OTULIN: variants seen among roughly 807,000 people sequenced by gnomAD.
The protein encoded by OTULIN is OTU deubiquitinase with linear linkage specificity.
Under a neutral mutation model 39.6 loss-of-function variants are expected in OTULIN, and 15 were observed. That is an observed-to-expected ratio of 0.38 (90% CI 0.25 to 0.58). The LOEUF (loss-of-function observed/expected upper bound fraction) is 0.58. OTULIN is among the 20% of genes least tolerant of loss of function. The probability of loss-of-function intolerance (pLI) is 0.66; values close to 1 mark genes in which losing one functional copy is unlikely to be tolerated. For missense variants in OTULIN, 319 were observed against 445.9 expected, an observed-to-expected ratio of 0.72 and a Z score of 2.56; for synonymous variants, 156 against 170.3, an observed-to-expected ratio of 0.92 and a Z score of 0.65.
At chr5:14,685,075 C>A (rs1460035540) in intron 4 of OTULIN, among the ~76,000 whole-genome samples, 1 of 152,224 alleles carries the variant, frequency 6.6e-6, no homozygotes, top group Non-Finnish European at 1.5e-5. Context: ...TGGGACAACA[C>A]TTTGGTTCCT....
At chr5:14,686,010 T>G (rs1376312654) in intron 4 of OTULIN, among the ~76,000 whole-genome samples, 1 of 152,208 alleles carries the variant, frequency 6.6e-6, no homozygotes, top group African/African-American at 2.4e-5. Context: ...TCATTTGTTA[T>G]TCTAATAAGA....
chr5:14,715,320 G>T, the OTULIN span, among the ~76,000 whole-genome samples: 341 of 152,280 alleles, frequency 2.2e-3, 3 homozygotes, highest in African/African-American at 8.0e-3. Context: ...TAGTAGAGAC[G>T]GGGTTTCACC....
At chr5:14,701,889 G>A (rs138020216), downstream of OTULIN, among the ~76,000 whole-genome samples, 489 of 152,334 alleles carry the variant, frequency 3.2e-3, 2 homozygotes, top group South Asian at 0.013. Flanking sequence ...AAAGCAGGGC[G>A]CTCATCAGGC....
intron 5 of OTULIN, 63 bp downstream of exon 5, chr5:14,687,709 G>A: frequency 1.3e-6 from 2 of 1,505,040 alleles, no homozygotes; most frequent in African/African-American, 1.4e-5. Context: ...TGCCCCAGAA[G>A]ACCAGTTTTT....
At chr5:14,674,606 T>C (rs1259568412) in intron 2 of OTULIN, among the ~76,000 whole-genome samples, 1 of 151,890 alleles carries the variant, frequency 6.6e-6, no homozygotes, top group African/African-American at 2.4e-5. Flanking sequence ...AATACAAAAA[T>C]TAATCGGGCG....
chr5:14,712,465 C>A, the OTULIN span, among the ~76,000 whole-genome samples: 3 of 152,248 alleles, frequency 2.0e-5, no homozygotes, highest in Non-Finnish European at 2.9e-5. Context: ...AGAGGCTGCC[C>A]GAGCTCCTGT....
At chr5:14,712,556 G>A in the OTULIN span, among the ~76,000 whole-genome samples, 2 of 152,222 alleles carry the variant, frequency 1.3e-5, no homozygotes, top group Non-Finnish European at 2.9e-5. Flanking sequence ...CATGTCTGCG[G>A]GTCATTCCCC....
At chr5:14,710,956 T>C in the OTULIN span, 2 of 498,870 alleles carry the variant, frequency 4.0e-6, no homozygotes, top group East Asian at 4.0e-5. Flanking sequence ...GGCAGGGGTA[T>C]GAAGTCAGTT....
intron 1 of OTULIN, among the ~76,000 whole-genome samples, chr5:14,670,215 C>T (rs1201048811): frequency 6.6e-6 from 1 of 152,170 alleles, no homozygotes; most frequent in Non-Finnish European, 1.5e-5. Flanking sequence ...GGATACCTCT[C>T]CACCACCACC....
the OTULIN span, among the ~76,000 whole-genome samples, chr5:14,715,252 C>T: frequency 1.3e-5 from 2 of 152,224 alleles, no homozygotes; most frequent in Non-Finnish European, 2.9e-5. Flanking sequence ...CTGCCTTAGC[C>T]TCCTGAGTAG....
the OTULIN span, among the ~76,000 whole-genome samples, chr5:14,712,591 G>A: frequency 1.3e-5 from 2 of 152,158 alleles, no homozygotes; most frequent in African/African-American, 2.4e-5. Flanking sequence ...GCTGAATTTC[G>A]CCCCATCTAC....
chr5:14,701,977 A>G (rs961551917), downstream of OTULIN, among the ~76,000 whole-genome samples: 1 of 152,168 alleles, frequency 6.6e-6, no homozygotes, highest in Non-Finnish European at 1.5e-5. Flanking sequence ...AGGAGATGTC[A>G]TTTCCATCAT....
chr5:14,669,296 C>T (rs893901772), intron 1 of OTULIN, among the ~76,000 whole-genome samples: 6 of 152,074 alleles, frequency 3.9e-5, no homozygotes, highest in Non-Finnish European at 8.8e-5. Flanking sequence ...ACCTGGGAGG[C>T]AGAGGTTGCA....
the OTULIN span, among the ~76,000 whole-genome samples, chr5:14,715,678 A>G: frequency 2.3e-3 from 343 of 152,348 alleles, 3 homozygotes; most frequent in African/African-American, 8.0e-3. Context: ...GAATGTAGCT[A>G]TGCAAGCAGT....
chr5:14,711,540 G>A, the OTULIN span, among the ~76,000 whole-genome samples: 24 of 152,260 alleles, frequency 1.6e-4, no homozygotes, highest in Middle Eastern at 3.4e-3. Context: ...CAGGCACTTC[G>A]GAGGACACCA....
chr5:14,688,615 T>C lies in OTULIN; in HGVS notation c.594+969T>C, dbSNP rs16903649. Among the ~76,000 whole-genome samples, 436 of 152,356 alleles carry C rather than the reference T, an allele frequency of 2.9e-3. 4 individuals carry two copies. Among genetic ancestry groups the C allele is most frequent in the African/African-American group, 9.8e-3 (407 of 41,592 alleles). ...GCTTAGAAAGATAAGAAATGTTTAC[T>C]GGAAAATATACTGTCAAAGGAAGTC... On this transcript the variant is annotated intron_variant, in intron 5 of 6. Transcript: ENST00000284274.
chr5:14,670,080 G>C (rs1011157323), intron 1 of OTULIN, among the ~76,000 whole-genome samples: 1 of 152,126 alleles, frequency 6.6e-6, no homozygotes, highest in East Asian at 1.9e-4. Flanking sequence ...CTGTGGAATT[G>C]AGGTTGACTG....
At chr5:14,713,713 TC>T in the OTULIN span, 1 of 1,611,848 alleles carries the variant, frequency 6.2e-7, no homozygotes, top group Non-Finnish European at 8.5e-7. This position sits in a 1 kb window ranked among gnomAD's most constrained non-coding sequence, Gnocchi z 4.4. Context: ...CGCCATCCAC[TC>T]CCCATCCTGC....
chr5:14,708,666 A>G, the OTULIN span: 6 of 152,324 alleles, frequency 3.9e-5, no homozygotes, highest in Admixed American at 6.5e-5. Flanking sequence ...AAGTGAAGAA[A>G]ATGTACGAAG....
Sources: gnomAD v4.1 joint callset for allele counts (sites outside exome capture counted in the v4.1 genomes callset) on GRCh38, gnomAD v4.1.1 for gene constraint, Gnocchi (gnomAD v3.1) non-coding constraint, MANE v1.5 for transcripts, NCBI Gene and HGNC (gene_info 2026-07-23, HGNC 2026-07-21) for gene names.